The following HIF3A variants were observed in gnomAD, a reference collection of about 807,000 sequenced individuals.
HIF3A encodes hypoxia-inducible factor 3-alpha.
Under a neutral mutation model 67.2 loss-of-function variants are expected in HIF3A, and 41 were observed. The ratio of observed to expected loss-of-function variants is 0.61; its 90% confidence interval spans 0.48 to 0.79. The LOEUF (loss-of-function observed/expected upper bound fraction) is 0.79, where lower values mean the gene tolerates loss of function less well. Among genes scored for constraint, HIF3A ranks in the 30% least tolerant of loss-of-function variants. The pLI is 0.00. For synonymous variants in HIF3A, 356 were observed against 374.8 expected, an observed-to-expected ratio of 0.95 and a Z score of 0.58; for missense variants, 855 against 898.0, an observed-to-expected ratio of 0.95 and a Z score of 0.61.
chr19:46,312,872 T>C, intron 8 of HIF3A: 1 of 1,184,144 alleles, frequency 8.4e-7, no homozygotes, highest in Non-Finnish European at 1.0e-6. Flanking sequence ...TATGGGTGTG[T>C]AGACTGTTAA....
chr19:46,327,583 C>G (rs1198328106), intron 11 of HIF3A, among the ~76,000 whole-genome samples: 2 of 152,074 alleles, frequency 1.3e-5, no homozygotes, highest in Non-Finnish European at 2.9e-5. Flanking sequence ...CTGCAGTCAG[C>G]CAAACTCAAG....
At chr19:46,304,413 C>G (rs1393784336) in intron 2 of HIF3A, among the ~76,000 whole-genome samples, 1 of 152,144 alleles carries the variant, frequency 6.6e-6, no homozygotes, top group East Asian at 1.9e-4. Context: ...CGATTTGGTC[C>G]TCTAGGAGAC....
intron 8 of HIF3A, among the ~76,000 whole-genome samples, chr19:46,317,260 G>C (rs779634662): frequency 2.0e-5 from 3 of 152,046 alleles, no homozygotes; most frequent in African/African-American, 7.3e-5. Context: ...TCACTGTGTT[G>C]CCCAGGCTGG....
intron 8 of HIF3A, among the ~76,000 whole-genome samples, chr19:46,315,564 G>A (rs1969849430): frequency 1.3e-5 from 2 of 151,882 alleles, no homozygotes; most frequent in Admixed American, 1.3e-4. Context: ...ATTTCTCTTG[G>A]GTAAACAGCT....
chr19:46,322,108 G>GAGGT, intron 10 of HIF3A, 142 bp downstream of exon 10: 1 of 800,656 alleles, frequency 1.2e-6, no homozygotes, highest in East Asian at 2.8e-5. Flanking sequence ...AGATGGGGTT[G>GAGGT]AGGTTCCTTT....
rs531973434 is a variant in HIF3A, at chr19:46,312,710, C to G, written c.1025+57C>G. 4.3e-3 allele frequency: 4,699 copies of G among 1,091,924 alleles called. 49 individuals are homozygous for G. Among genetic ancestry groups the G allele is most frequent in the East Asian group, 0.033 (1,186 of 36,404 alleles). 67.6% of individuals were successfully genotyped at this position (1,091,924 alleles called of 1,614,324 possible). ...TGTGGGCCTGATCTGCATGTGTGGACAGGTGTGTGTGTGTGTGTGTGTGTG... is the reference window on the plus strand; with the variant it reads ...TGTGGGCCTGATCTGCATGTGTGGAGAGGTGTGTGTGTGTGTGTGTGTGTG... On this transcript the variant is annotated intron_variant, in intron 8 of 14. Transcript: ENST00000377670.
In HIF3A at chr19:46,309,302, G is replaced by A. The variant is rs144494555; in HGVS notation, c.713G>A (p.Arg238Gln). The A allele has an allele frequency of 2.7e-4, 438 of 1,613,032 alleles. No individual in the cohort carries two copies. The highest frequency in any genetic ancestry group is 3.5e-4 in the Non-Finnish European group (415 of 1,179,722). ...GGCAGCCTGGAGCCCCCACTGGGCC[G>A]AGGGGCCTTCCTCAGCCGCCACAGC... is the stretch of plus-strand genomic sequence containing the variant. ...HPGSLEPPLG[R>Q]GAFLSRHSLD... The change falls in exon 6 of 15, where the codon CGA becomes CAA. Residue 238 changes from arginine to glutamine, a missense_variant. Physicochemically the swap from Arg to Gln is conservative, Grantham distance 43. Coordinates refer to ENST00000377670, the MANE Select transcript of HIF3A (RefSeq NM_152795.4).
chr19:46,309,061 C>G lies in HIF3A; in HGVS notation c.562-90C>G, dbSNP rs868667711. Reference sequence around the variant, plus strand: ...TTCATGGGGTTGGAATCTCAGCTCCCTGATGGGCCCTCAGGACGCATCTTC... The same window carrying G: ...TTCATGGGGTTGGAATCTCAGCTCCGTGATGGGCCCTCAGGACGCATCTTC... On this transcript the variant is annotated intron_variant, in intron 5 of 14. Transcript: ENST00000377670. 7 of 1,104,754 alleles carry G rather than the reference C, an allele frequency of 6.3e-6. No homozygotes were observed. In the Middle Eastern group the frequency reaches 1.1e-3, roughly 167 times the overall value. The allele number at this position is 1,104,754 out of a possible 1,614,324, so 68.4% of individuals were successfully genotyped here. A position where few individuals can be genotyped will look rare whatever the true frequency, so the allele number is the denominator to read the frequency against.
rs3826795 is a variant in HIF3A, at chr19:46,297,176, G to T, written c.26+74G>T. 1.6e-5 allele frequency: 10 copies of T among 634,964 alleles called. No individual in the cohort carries two copies. Among genetic ancestry groups the T allele is most frequent in the Admixed American group, 3.5e-5 (1 of 28,248 alleles). 39.3% of individuals were successfully genotyped at this position (634,964 alleles called of 1,614,324 possible). ...CTGGAGACCCCTGAGCTGGATTGTT[G>T]GGGGGGGTGGGGTTCGCGGGTGCGA... On this transcript the variant is annotated intron_variant, in intron 1 of 14. Coordinates refer to ENST00000377670, the MANE Select transcript of HIF3A (RefSeq NM_152795.4). The surrounding 1 kb of genome is among the most constrained non-coding windows in gnomAD (Gnocchi z 4.5).
At chr19:46,324,835 CAG>C (rs1417332667) in intron 10 of HIF3A, among the ~76,000 whole-genome samples, 1 of 150,346 alleles carries the variant, frequency 6.7e-6, no homozygotes, top group Non-Finnish European at 1.5e-5. Context: ...ACCTGGGTGA[CAG>C]AGTAAGACTC....
rs946886560 is a variant in HIF3A, at chr19:46,309,012, C to T, written c.562-139C>T. 4 of 768,414 alleles carry T rather than the reference C, an allele frequency of 5.2e-6. No individual in the cohort carries two copies. The African/African-American group carries it at 7.1e-5, about 14-fold the overall frequency. 47.6% of individuals were successfully genotyped at this position (768,414 alleles called of 1,614,324 possible). On this transcript the variant is annotated intron_variant, in intron 5 of 14. Coordinates refer to ENST00000377670, the MANE Select transcript of HIF3A (RefSeq NM_152795.4). ...TCCTATGGGCCTGGGGCTGGGGATC[C>T]TCAGTCCCTTTGAACCTGAAGTCTT...
At chr19:46,339,369 C>G (rs1315684447) in intron 14 of HIF3A, among the ~76,000 whole-genome samples, 156 bp from the exon 15 acceptor site, 1 of 152,208 alleles carries the variant, frequency 6.6e-6, no homozygotes, top group African/African-American at 2.4e-5. Flanking sequence ...AAGAGGCACC[C>G]CTCTGCGCAA....
chr19:46,322,209 T>C (rs925667928), intron 10 of HIF3A, among the ~76,000 whole-genome samples: 2 of 152,110 alleles, frequency 1.3e-5, no homozygotes, highest in Admixed American at 6.6e-5. Context: ...TTTCCTCTGC[T>C]CTCCTAATAA....
At chr19:46,320,356 G>A in intron 8 of HIF3A, 87 bp from the exon 9 acceptor site, 1 of 1,018,794 alleles carries the variant, frequency 9.8e-7, no homozygotes, top group Non-Finnish European at 1.5e-6. Context: ...ATTGCCTTCT[G>A]TAATAGGACA....
intron 14 of HIF3A, among the ~76,000 whole-genome samples, chr19:46,337,839 A>T (rs909570327): frequency 7.2e-5 from 11 of 152,306 alleles, no homozygotes; most frequent in Non-Finnish European, 1.2e-4. Context: ...AACACTCCAT[A>T]ATTACACAGG....
intron 10 of HIF3A, among the ~76,000 whole-genome samples, chr19:46,324,652 A>C (rs1026802586): frequency 5.3e-5 from 8 of 151,878 alleles, no homozygotes; most frequent in African/African-American, 1.9e-4. Context: ...TCAGGAGTTC[A>C]AGACCAGCCT....
chr19:46,331,201 G>T lies in HIF3A; in HGVS notation c.1758G>T (p.Leu586=). ...AGGACGAGGACGAGGGAGTGGAGCTGCTGGGAGTGAGACCTCCCAAAAGGT... is the reference window on the plus strand; with the variant it reads ...AGGACGAGGACGAGGGAGTGGAGCTTCTGGGAGTGAGACCTCCCAAAAGGT... ...SSEDEDEGVE[L]LGVRPPKRSP... is the part of the protein sequence containing the mutation. The change falls in exon 13 of 15, where the codon CTG becomes CTT. Residue 586 remains leucine, a synonymous_variant. Transcript: ENST00000377670. The T allele has an allele frequency of 3.7e-6, 6 of 1,614,076 alleles. No individual in the cohort carries two copies. Among genetic ancestry groups the T allele is most frequent in the African/African-American group, 2.7e-5 (2 of 75,004 alleles).
intron 9 of HIF3A, 146 bp from the exon 10 acceptor site, chr19:46,321,630 G>T: frequency 4.2e-6 from 3 of 714,588 alleles, no homozygotes; most frequent in East Asian, 2.5e-5. Flanking sequence ...GGTCCTCCAG[G>T]CCCCTTCCTT....
rs1970412227 is a variant in HIF3A, at chr19:46,322,045, G to A, written c.1335+79G>A. On this transcript the variant is annotated intron_variant, in intron 10 of 14. Coordinates refer to ENST00000377670, the MANE Select transcript of HIF3A (RefSeq NM_152795.4). ...GGGTCTTGGCCTGTGACTTAAACCT[G>A]ACTGTTCTCTGGGCCTCAGCTTCTC... The A allele has an allele frequency of 9.9e-6, 14 of 1,420,324 alleles. No individual in the cohort carries two copies. The South Asian group carries it at 1.7e-4, about 17-fold the overall frequency. 88.0% of individuals were successfully genotyped at this position (1,420,324 alleles called of 1,614,324 possible).
Sources: allele counts gnomAD v4.1 joint callset (sites outside exome capture counted in the v4.1 genomes callset), GRCh38; gene constraint gnomAD v4.1.1; non-coding constraint Gnocchi (gnomAD v3.1); transcripts MANE v1.5; gene names NCBI Gene and HGNC (gene_info 2026-07-23, HGNC 2026-07-21).